The following LRCH1 variants were observed in gnomAD, a reference collection of about 807,000 sequenced individuals.
LRCH1 encodes leucine rich repeats and calponin homology domain containing 1.
Under a neutral mutation model 94.9 loss-of-function variants are expected in LRCH1, and 23 were observed. The observed-to-expected ratio is 0.24, with a 90% CI of 0.17 to 0.34. LRCH1 has a LOEUF of 0.34. Among genes scored for constraint, LRCH1 ranks in the 10% least tolerant of loss-of-function variants. The pLI is 1.00. For missense variants in LRCH1, 790 were observed against 945.9 expected (o/e 0.84, Z 2.16); for synonymous variants, 364 against 354.9 (o/e 1.03, Z -0.29).
chr13:46,603,848 G>C (rs139008025), intron 1 of LRCH1, among the ~76,000 whole-genome samples: 1,905 of 152,100 alleles, frequency 0.013, 26 homozygotes, highest in African/African-American at 0.034. Context: ...GTAGAGATGG[G>C]GTCTCACTAT....
At chr13:46,690,751 A>C (rs953658347) in intron 7 of LRCH1, among the ~76,000 whole-genome samples, 34 of 152,188 alleles carry the variant, frequency 2.2e-4, no homozygotes, top group African/African-American at 8.2e-4. Context: ...TCCTTTCCTA[A>C]GTACACCTCC....
intron 1 of LRCH1, among the ~76,000 whole-genome samples, chr13:46,601,776 G>A (rs1232994747): frequency 1.3e-5 from 2 of 152,130 alleles, no homozygotes; most frequent in African/African-American, 2.4e-5. Context: ...GCTGTTTTTC[G>A]TAGGGGGTTA....
At chr13:46,556,177 T>G (rs2050063244) in intron 1 of LRCH1, among the ~76,000 whole-genome samples, 1 of 149,086 alleles carries the variant, frequency 6.7e-6, no homozygotes, top group Admixed American at 6.6e-5. Flanking sequence ...AGAGCAAGCT[T>G]TTTCTCACAG....
intron 1 of LRCH1, among the ~76,000 whole-genome samples, chr13:46,556,557 G>A (rs2050068166): frequency 6.6e-6 from 1 of 152,166 alleles, no homozygotes; most frequent in African/African-American, 2.4e-5. Context: ...GCCACTATCA[G>A]CACTGGGTGC....
At chr13:46,576,358 A>G (rs1360124396) in intron 1 of LRCH1, among the ~76,000 whole-genome samples, 1 of 152,228 alleles carries the variant, frequency 6.6e-6, no homozygotes, top group Non-Finnish European at 1.5e-5. Context: ...AAAACTTGTT[A>G]GAATTCCCAA....
In LRCH1 at chr13:46,742,253, G is replaced by A; in HGVS notation, c.*405G>A. The A allele has an allele frequency of 9.4e-7, 1 of 1,061,220 alleles. No individual in the cohort carries two copies. The highest frequency in any genetic ancestry group is 1.1e-6 in the Non-Finnish European group (1 of 876,486). 65.7% of individuals were successfully genotyped at this position (1,061,220 alleles called of 1,614,324 possible). A position where few individuals can be genotyped will look rare whatever the true frequency, so the allele number is the denominator to read the frequency against. On this transcript the variant is annotated 3_prime_UTR_variant, in exon 20 of 20. Transcript: ENST00000389797. ...GAAGTCTTTCCTTTGGGTCAGTATTGAACTAGAATTCTAATTCGGGACTGG... is the reference window on the plus strand; with the variant it reads ...GAAGTCTTTCCTTTGGGTCAGTATTAAACTAGAATTCTAATTCGGGACTGG...
chr13:46,705,540 TG>T (rs1871714602), intron 13 of LRCH1: 1 of 576,300 alleles, frequency 1.7e-6, no homozygotes. Flanking sequence ...TATTAGATTC[TG>T]TAGATTTTTT....
intron 2 of LRCH1, among the ~76,000 whole-genome samples, chr13:46,653,807 A>G (rs2051337468): frequency 6.6e-6 from 1 of 152,170 alleles, no homozygotes; most frequent in Non-Finnish European, 1.5e-5. Context: ...GGGCAACGGA[A>G]CAAGACCCTG....
At chr13:46,702,227 C>T (rs371484232) in intron 11 of LRCH1, among the ~76,000 whole-genome samples, 4 of 152,134 alleles carry the variant, frequency 2.6e-5, no homozygotes, top group Non-Finnish European at 5.9e-5. Context: ...CTGGGCCAGG[C>T]GCGGTGGCTC....
At chr13:46,644,956 A>G (rs2051202574) in intron 1 of LRCH1, among the ~76,000 whole-genome samples, 1 of 152,226 alleles carries the variant, frequency 6.6e-6, no homozygotes, top group Admixed American at 6.5e-5. Context: ...TTCAGCTAGC[A>G]GGACTAATCT....
intron 7 of LRCH1, 38 bp downstream of exon 7, chr13:46,689,234 C>G (rs750338772): frequency 2.0e-6 from 3 of 1,494,920 alleles, no homozygotes; most frequent in South Asian, 2.3e-5. Flanking sequence ...TTCTGTACTT[C>G]TAGACATATC....
chr13:46,573,272 C>T (rs536821462), intron 1 of LRCH1, among the ~76,000 whole-genome samples: 3 of 152,002 alleles, frequency 2.0e-5, no homozygotes, highest in South Asian at 2.1e-4. Flanking sequence ...ATATTTGAGC[C>T]GAGTAAGTGA....
rs554313930 is a variant in LRCH1, at chr13:46,636,319, GC to G, written c.308-13880del. Among the ~76,000 whole-genome samples, 4 of 152,106 alleles carry G rather than the reference GC, an allele frequency of 2.6e-5. No homozygotes were observed. In the South Asian group the frequency reaches 8.3e-4, roughly 32 times the overall value. ...ACTCCTGACCTCAAGTGATCCACCTGCCTTGGTCTCCCAAAGTGCCAGGATT... is the reference window on the plus strand; with the variant it reads ...ACTCCTGACCTCAAGTGATCCACCTGCTTGGTCTCCCAAAGTGCCAGGATT... On this transcript the variant is annotated intron_variant, in intron 1 of 19. Transcript: ENST00000389797.
At chr13:46,597,943 T>C (rs1449342340) in intron 1 of LRCH1, among the ~76,000 whole-genome samples, 1 of 152,140 alleles carries the variant, frequency 6.6e-6, no homozygotes, top group African/African-American at 2.4e-5. Context: ...TATGGCGGTG[T>C]TCAAGGCAAC....
At position 46,742,077 on chromosome 13, in the gene LRCH1, A is replaced by G; in HGVS notation, c.*229A>G. On this transcript the variant is annotated 3_prime_UTR_variant, in exon 20 of 20. Transcript: ENST00000389797. ...ACTGAAATACAACGACGACGACTGC[A>G]AAGTGTATGCACACCGCATGCTTCC... 1.4e-6 allele frequency: 2 copies of G among 1,390,236 alleles called. No individual in the cohort carries two copies. The highest frequency in any genetic ancestry group is 1.9e-6 in the Non-Finnish European group (2 of 1,072,220). 86.1% of individuals were successfully genotyped at this position (1,390,236 alleles called of 1,614,324 possible).
chr13:46,555,424 A>G (rs1364674742), intron 1 of LRCH1, among the ~76,000 whole-genome samples: 1 of 152,180 alleles, frequency 6.6e-6, no homozygotes, highest in Non-Finnish European at 1.5e-5. Flanking sequence ...ATTATTTACA[A>G]AGTTAGGTGA....
In LRCH1 at chr13:46,655,676, C is replaced by T. The variant is rs548606135; in HGVS notation, c.452+5331C>T. Reference sequence around the variant, plus strand: ...TAGAGAGTTTGTTGTTGATGAGCCTCATGAAGAAAATGTACCATAGGAAAA... The same window carrying T: ...TAGAGAGTTTGTTGTTGATGAGCCTTATGAAGAAAATGTACCATAGGAAAA... On this transcript the variant is annotated intron_variant, in intron 2 of 19. Transcript: ENST00000389797. Among the ~76,000 whole-genome samples, 341 of 152,200 alleles carry T rather than the reference C, an allele frequency of 2.2e-3. 3 individuals are homozygous for T. Among genetic ancestry groups the T allele is most frequent in the African/African-American group, 7.7e-3 (321 of 41,520 alleles).
chr13:46,752,021 G>A (rs1593396066), exon 19 of LRCH1: 2 of 152,694 alleles, frequency 1.3e-5, no homozygotes, highest in African/African-American at 4.8e-5. Flanking sequence ...GCACCACCAA[G>A]GCAGGCTAAG....
rs1209658297 is a variant in LRCH1 at position 46,553,424 on chromosome 13, C to T, written c.28C>T (p.Pro10Ser). 3 of 1,546,956 alleles carry T rather than the reference C, an allele frequency of 1.9e-6. No homozygotes were observed. The highest frequency in any genetic ancestry group is 2.6e-6 in the Non-Finnish European group (3 of 1,146,102). The change falls in exon 1 of 20, where the codon CCT becomes TCT. Residue 10 changes from proline (P) to serine (S), a missense_variant. Around this residue, in one of 3 missense-constraint regions of LRCH1, gnomAD observed 136 missense variants for 143.5 expected, o/e 0.95. Transcript: ENST00000389797. MATPGSEPQ[P>S]FVPALSVATL... is the part of the protein sequence containing the mutation. The stretch of plus-strand genomic sequence containing the variant: ...GGCGACGCCGGGAAGCGAACCCCAA[C>T]CTTTCGTCCCGGCCCTTTCGGTAGC...
Sources: allele counts gnomAD v4.1 joint callset (sites outside exome capture counted in the v4.1 genomes callset), GRCh38; gene constraint gnomAD v4.1.1; regional missense constraint gnomAD v4.1.1; transcripts MANE v1.5; gene names NCBI Gene and HGNC (gene_info 2026-07-23, HGNC 2026-07-21).